The following TRIM75 variants were observed in gnomAD, a reference collection of about 807,000 sequenced individuals.
TRIM75 encodes the protein tripartite motif-containing protein 75.
chr4:165,059,797 G>T, the TRIM75 span: 2 of 780,904 alleles, frequency 2.6e-6, no homozygotes, highest in African/African-American at 3.4e-5. Context: ...CAGAAACTCA[G>T]TGCAAACATA....
the TRIM75 span, among the ~76,000 whole-genome samples, chr4:165,054,331 T>C: frequency 6.0e-5 from 9 of 149,086 alleles, no homozygotes; most frequent in East Asian, 1.8e-3. Flanking sequence ...GTGCAGTGGC[T>C]ATCTTGACTC....
chr4:165,055,331 C>T, the TRIM75 span, among the ~76,000 whole-genome samples: 1 of 144,794 alleles, frequency 6.9e-6, no homozygotes, highest in East Asian at 2.0e-4. Context: ...GTTGCCCAGG[C>T]TGGAGTGCAG....
At chr4:165,060,091 G>A in the TRIM75 span, 8 of 780,862 alleles carry the variant, frequency 1.0e-5, no homozygotes, top group East Asian at 4.8e-5. Flanking sequence ...GATAAAAAAC[G>A]TGTGAGATTT....
At chr4:165,059,898 CAAATT>C in the TRIM75 span, 6 of 779,048 alleles carry the variant, frequency 7.7e-6, no homozygotes, top group Non-Finnish European at 1.4e-5. Context: ...ATTGCTGTCA[CAAATT>C]AAAATTTTCT....
chr4:165,059,257 G>A, the TRIM75 span: 30 of 780,278 alleles, frequency 3.8e-5, no homozygotes, highest in South Asian at 2.6e-4. Context: ...AACTTCTGTC[G>A]TTCCTGCATC....
the TRIM75 span, among the ~76,000 whole-genome samples, chr4:165,056,246 C>G: frequency 1.3e-5 from 2 of 151,558 alleles, no homozygotes; most frequent in Non-Finnish European, 2.9e-5. Flanking sequence ...TCAGCCTGGG[C>G]AATACAGCAA....
At chr4:165,060,413 TGA>T in the TRIM75 span, 1 of 780,822 alleles carries the variant, frequency 1.3e-6, no homozygotes, top group East Asian at 2.4e-5. Flanking sequence ...ATGAGATGGG[TGA>T]GATCTCATTC....
At chr4:165,055,287 T>G in the TRIM75 span, among the ~76,000 whole-genome samples, 211 of 110,406 alleles carry the variant, frequency 1.9e-3, no homozygotes, top group Middle Eastern at 9.4e-3. Context: ...TAACTACTTT[T>G]TTTTTTTTTT....
At chr4:165,054,643 G>A in the TRIM75 span, among the ~76,000 whole-genome samples, 8 of 151,910 alleles carry the variant, frequency 5.3e-5, no homozygotes, top group East Asian at 1.9e-4. Flanking sequence ...CAAGTGTTCC[G>A]CCTGCCTCGG....
the TRIM75 span, among the ~76,000 whole-genome samples, chr4:165,058,290 C>G: frequency 6.6e-6 from 1 of 152,168 alleles, no homozygotes; most frequent in African/African-American, 2.4e-5. Flanking sequence ...GCCTCAACCT[C>G]CCAAGTAGGC....
chr4:165,056,602 CTTTTTTTTTTTTTTT>C, the TRIM75 span, among the ~76,000 whole-genome samples: 2 of 69,962 alleles, frequency 2.9e-5, no homozygotes, highest in South Asian at 4.9e-4. Context: ...GTCTCTGTCT[CTTTTTTTTTTTTTTT>C]TTTTTTTTTT....
chr4:165,056,123 C>T, the TRIM75 span, among the ~76,000 whole-genome samples: 2 of 151,926 alleles, frequency 1.3e-5, no homozygotes, highest in Admixed American at 1.3e-4. Flanking sequence ...GACAGGGTTC[C>T]ACCATGTTGG....
the TRIM75 span, chr4:165,059,428 C>A: frequency 1.3e-6 from 1 of 780,880 alleles, no homozygotes; most frequent in East Asian, 2.4e-5. Context: ...CAGGAAGAGA[C>A]CACCTTGTGC....
the TRIM75 span, chr4:165,059,825 C>G: frequency 1.3e-6 from 1 of 780,904 alleles, no homozygotes; most frequent in Non-Finnish European, 2.4e-6. Flanking sequence ...TTTCAAACTA[C>G]AGTGCCACAC....
chr4:165,059,468 C>T, the TRIM75 span: 1 of 780,924 alleles, frequency 1.3e-6, no homozygotes, highest in Non-Finnish European at 2.4e-6. Context: ...TGAGCGTTTT[C>T]TGCAAGGAGG....
the TRIM75 span, chr4:165,060,155 A>G: frequency 1.3e-6 from 1 of 780,932 alleles, no homozygotes; most frequent in Non-Finnish European, 2.4e-6. Flanking sequence ...CAGTCAAGCC[A>G]GTTGTTCTGG....
At chr4:165,059,320 A>C in the TRIM75 span, 1 of 780,362 alleles carries the variant, frequency 1.3e-6, no homozygotes, top group Non-Finnish European at 2.4e-6. Context: ...GTCTGTCGTC[A>C]CCAGTGTCAA....
the TRIM75 span, chr4:165,060,381 G>A: frequency 1.3e-6 from 1 of 780,870 alleles, no homozygotes; most frequent in Non-Finnish European, 2.4e-6. Context: ...GAAAGCCAGG[G>A]CCATTGGCAT....
chr4:165,059,968 A>G, the TRIM75 span: 3 of 778,656 alleles, frequency 3.9e-6, no homozygotes, highest in South Asian at 4.0e-5. Context: ...TTAAAGAGAG[A>G]TGGCTGCAGT....
Sources: gnomAD v4.1 joint callset for allele counts (sites outside exome capture counted in the v4.1 genomes callset) on GRCh38, gnomAD v4.1.1 for gene constraint, MANE v1.5 for transcripts, NCBI Gene and HGNC (gene_info 2026-07-23, HGNC 2026-07-21) for gene names.